The following AGBL3 variants were observed in gnomAD, a reference collection of about 807,000 sequenced individuals.
AGBL3 encodes cytosolic carboxypeptidase 3.
Under a neutral mutation model 94.5 loss-of-function variants are expected in AGBL3, and 68 were observed. The observed-to-expected ratio is 0.72, with a 90% CI of 0.59 to 0.88. The LOEUF is 0.88. AGBL3 is among the 40% of genes least tolerant of loss of function. AGBL3 has a pLI of 0.00. For synonymous variants in AGBL3, 354 were observed against 370.7 expected (o/e 0.95, Z 0.52); for missense variants, 934 against 1,103.8 (o/e 0.85, Z 2.18).
chr7:135,133,244 C>G (rs7797986), intron 16 of AGBL3, among the ~76,000 whole-genome samples: 73,821 of 152,084 alleles, frequency 0.49, 18,279 homozygotes, highest in South Asian at 0.66. Context: ...TACAGGGTTT[C>G]TATGCTGAAA....
chr7:135,094,661 G>T, intron 15 of AGBL3: 1 of 378,286 alleles, frequency 2.6e-6, no homozygotes. Context: ...CTCTCTTAGG[G>T]TGTTAACTCT....
chr7:135,082,302 C>T (rs55836040), intron 15 of AGBL3, among the ~76,000 whole-genome samples: 5,579 of 152,202 alleles, frequency 0.037, 329 homozygotes, highest in African/African-American at 0.13. Context: ...TTCCCCAATT[C>T]TCCTTGAAAT....
At chr7:135,078,402 A>G (rs1237995855) in intron 13 of AGBL3, among the ~76,000 whole-genome samples, 3 of 152,176 alleles carry the variant, frequency 2.0e-5, no homozygotes, top group African/African-American at 7.2e-5. Flanking sequence ...TGTAATATGA[A>G]TAGGAATTAA....
intron 1 of AGBL3, 40 bp downstream of exon 1, chr7:134,986,741 A>T (rs1318988888): frequency 6.6e-6 from 1 of 152,380 alleles, no homozygotes; most frequent in Non-Finnish European, 1.5e-5. Context: ...GCGGGAAGCG[A>T]GCGCGCCCCG....
At chr7:134,989,571 G>A (rs1809954710) in intron 3 of AGBL3, among the ~76,000 whole-genome samples, 1 of 152,126 alleles carries the variant, frequency 6.6e-6, no homozygotes, top group African/African-American at 2.4e-5. Flanking sequence ...TTGTTTAAAT[G>A]TATTGACTGT....
chr7:135,121,552 GAA>G (rs76824052), intron 16 of AGBL3, among the ~76,000 whole-genome samples: 4 of 123,620 alleles, frequency 3.2e-5, no homozygotes, highest in African/African-American at 3.0e-5. Flanking sequence ...AGGGTAATAG[GAA>G]AAAAAAAAAA....
At chr7:135,016,996 AT>A (rs1813878274) in intron 4 of AGBL3, 55 bp from the exon 5 acceptor site, 1 of 1,148,966 alleles carries the variant, frequency 8.7e-7, no homozygotes, top group Non-Finnish European at 1.3e-6. Flanking sequence ...ATGCAATAAA[AT>A]TTTTCTGTTT....
At chr7:135,059,813 A>G (rs572056659) in intron 12 of AGBL3, among the ~76,000 whole-genome samples, 5 of 152,242 alleles carry the variant, frequency 3.3e-5, no homozygotes, top group Non-Finnish European at 7.3e-5. Flanking sequence ...ATAAATACTT[A>G]AGTAAGAACT....
At chr7:135,070,831 T>G (rs1278136998) in intron 12 of AGBL3, among the ~76,000 whole-genome samples, 3 of 152,122 alleles carry the variant, frequency 2.0e-5, no homozygotes, top group Non-Finnish European at 4.4e-5. Flanking sequence ...AGGGATGCCC[T>G]CTGTCACCAC....
chr7:135,050,026 T>C, intron 11 of AGBL3, among the ~76,000 whole-genome samples: 1 of 152,036 alleles, frequency 6.6e-6, no homozygotes, highest in Middle Eastern at 3.4e-3. Context: ...TTTAAATATA[T>C]ACATTTATCA....
At chr7:135,047,850 G>A (rs1010387608) in intron 11 of AGBL3, among the ~76,000 whole-genome samples, 9 of 151,750 alleles carry the variant, frequency 5.9e-5, no homozygotes, top group African/African-American at 1.9e-4. Context: ...TTCCTTGGTT[G>A]TACAGAAGCG....
rs76866424 is a variant in AGBL3, at chr7:135,129,623, A to G, written c.2343-5218A>G. 2.5e-3 allele frequency: 1,955 copies of G among 777,412 alleles called. 10 individuals carry two copies. The highest frequency in any genetic ancestry group is 3.4e-3 in the South Asian group (254 of 74,292). The allele number at this position is 777,412 out of a possible 1,614,324, so 48.2% of individuals were successfully genotyped here. A position where few individuals can be genotyped will look rare whatever the true frequency, so the allele number is the denominator to read the frequency against. ...AACATTTCACTGATCCTGCTTCAAC[A>G]TGTCTTAAACAGCTGTTTTATGCTG... On this transcript the variant is annotated intron_variant, in intron 16 of 16. Coordinates refer to ENST00000436302, the MANE Select transcript of AGBL3 (RefSeq NM_178563.4).
At chr7:135,102,425 T>A (rs1022670307) in intron 15 of AGBL3, among the ~76,000 whole-genome samples, 2 of 152,194 alleles carry the variant, frequency 1.3e-5, no homozygotes, top group African/African-American at 4.8e-5. Context: ...GATAATAATA[T>A]GGAATAATTG....
At chr7:135,008,504 T>G (rs1296672819) in intron 4 of AGBL3, among the ~76,000 whole-genome samples, 1 of 152,000 alleles carries the variant, frequency 6.6e-6, no homozygotes, top group Non-Finnish European at 1.5e-5. Context: ...GATCAAGATC[T>G]AACTAACAGC....
At chr7:135,017,230 G>C (rs934946160) in intron 5 of AGBL3, 71 bp downstream of exon 5, 2 of 1,147,166 alleles carry the variant, frequency 1.7e-6, no homozygotes, top group Non-Finnish European at 2.6e-6. Context: ...AATTATATTT[G>C]TTTTGCTGTT....
chr7:135,044,452 AT>A (rs1314665623), intron 9 of AGBL3, among the ~76,000 whole-genome samples: 3 of 152,050 alleles, frequency 2.0e-5, no homozygotes, highest in Non-Finnish European at 4.4e-5. Context: ...TTTTAAAAAT[AT>A]TTTTTATTGG....
intron 15 of AGBL3, among the ~76,000 whole-genome samples, chr7:135,091,854 T>G (rs934279143): frequency 1.3e-5 from 2 of 152,196 alleles, no homozygotes; most frequent in African/African-American, 4.8e-5. Flanking sequence ...TTTAATAAGA[T>G]TCAAACAGTT....
At chr7:135,101,778 G>C (rs887205047) in intron 15 of AGBL3, among the ~76,000 whole-genome samples, 1 of 152,112 alleles carries the variant, frequency 6.6e-6, no homozygotes, top group Non-Finnish European at 1.5e-5. Flanking sequence ...ATTCCATCAT[G>C]GTTGATATGG....
At chr7:135,055,760 T>C (rs1818291789) in intron 11 of AGBL3, among the ~76,000 whole-genome samples, 1 of 152,232 alleles carries the variant, frequency 6.6e-6, no homozygotes, top group Non-Finnish European at 1.5e-5. Context: ...GGTATTAGGA[T>C]AATGCTAGCC....
Sources: gnomAD v4.1 joint callset for allele counts (sites outside exome capture counted in the v4.1 genomes callset) on GRCh38, gnomAD v4.1.1 for gene constraint, MANE v1.5 for transcripts, NCBI Gene and HGNC (gene_info 2026-07-23, HGNC 2026-07-21) for gene names.